DCLRE1A: variants seen among roughly 807,000 people sequenced by gnomAD.
DCLRE1A encodes the protein DNA cross-link repair 1A protein.
DCLRE1A carries 64 observed loss-of-function variants against 91.9 expected under a neutral mutation model. The observed-to-expected ratio is 0.70, with a 90% CI of 0.57 to 0.86. DCLRE1A has a LOEUF of 0.86. Ranked by LOEUF, DCLRE1A falls within the 40% of genes least tolerant of loss-of-function variation. The pLI, the probability that DCLRE1A is intolerant of heterozygous loss-of-function variation, is 0.00. For missense variants in DCLRE1A, 1,145 were observed against 1,213.3 expected, an observed-to-expected ratio of 0.94 and a Z score of 0.84; for synonymous variants, 416 against 431.1, an observed-to-expected ratio of 0.96 and a Z score of 0.43.
intron 5 of DCLRE1A, among the ~76,000 whole-genome samples, chr10:113,843,476 C>G (rs954128810): frequency 3.3e-5 from 5 of 152,212 alleles, no homozygotes; most frequent in South Asian, 2.1e-4. Flanking sequence ...ATATTGCATC[C>G]AAACGTACTT....
Position 113,847,222 on chromosome 10 carries a change from A to G in DCLRE1A, c.2239T>C (p.Phe747Leu), listed in dbSNP as rs1564843998. Residue 747 changes from phenylalanine to leucine, a missense_variant, in exon 3 of 9, where the codon TTT becomes CTT. By Grantham distance (22) the Phe-to-Leu change is conservative. Coordinates refer to ENST00000361384, the MANE Select transcript of DCLRE1A (RefSeq NM_014881.5). ...CTTACCTCACTACAATAAACTGGAA[A>G]TGTGAAGTGTTTAGACAATCCAGCA... ...HYAGLSKHFT[F>L]PVYCSEITGN... 2 of 1,609,414 alleles carry G rather than the reference A, an allele frequency of 1.2e-6. No individual in the cohort carries two copies. The highest frequency in any genetic ancestry group is 1.7e-5 in the Admixed American group (1 of 59,890).
At chr10:113,852,699 C>T in intron 1 of DCLRE1A, 24 bp downstream of exon 1, 2 of 1,588,404 alleles carry the variant, frequency 1.3e-6, no homozygotes, top group South Asian at 1.2e-5. Flanking sequence ...TATTTAGAAA[C>T]TACTACGTTT....
chr10:113,850,707 TAGC>T, intron 1 of DCLRE1A, 63 bp from the exon 2 acceptor site: 1 of 1,333,678 alleles, frequency 7.5e-7, no homozygotes, highest in Non-Finnish European at 1.0e-6. Context: ...TTGACAACAT[TAGC>T]AGTATAAATT....
At chr10:113,841,821 AG>A (rs1266436153) in intron 6 of DCLRE1A, among the ~76,000 whole-genome samples, 1 of 152,220 alleles carries the variant, frequency 6.6e-6, no homozygotes, top group East Asian at 1.9e-4. Context: ...AAGTGGGTAG[AG>A]GAAGGGAAGG....
chr10:113,839,990 C>T (rs1845420871), intron 7 of DCLRE1A, among the ~76,000 whole-genome samples: 1 of 152,060 alleles, frequency 6.6e-6, no homozygotes, highest in Admixed American at 6.5e-5. Context: ...ACTTGAATTC[C>T]TGTATTAAAA....
At chr10:113,848,515 A>C (rs1845579423) in intron 2 of DCLRE1A, among the ~76,000 whole-genome samples, 1 of 152,204 alleles carries the variant, frequency 6.6e-6, no homozygotes, top group Non-Finnish European at 1.5e-5. Context: ...AAGGGCAGAG[A>C]AACTAAGTTC....
At chr10:113,854,314 A>C (rs376033264), upstream of DCLRE1A, 2 of 152,372 alleles carry the variant, frequency 1.3e-5, no homozygotes, top group African/African-American at 4.8e-5. Flanking sequence ...CTTCCAGTTT[A>C]CAAAGCCTTC....
rs1431483913 is a variant in DCLRE1A at position 113,847,728 on chromosome 10, G to C, written c.2126-393C>G. Among the ~76,000 whole-genome samples the C allele has an allele frequency of 3.9e-5, 6 of 152,004 alleles. No homozygotes were observed. In the East Asian group the frequency reaches 1.2e-3, roughly 29 times the overall value. On this transcript the variant is annotated intron_variant, in intron 2 of 8. Transcript: ENST00000361384. ...ATGGGGGCAGTATTGATCTAAGGAA[G>C]CCAAAATGGTTGAGGGCCAACATAA...
Position 113,849,754 on chromosome 10 carries a change from A to G in DCLRE1A, c.1351T>C (p.Ser451Pro), listed in dbSNP as rs1845608932. ...NKQKQVIEESSVYNQVSLPLV... is the reference protein window; with the variant it reads ...NKQKQVIEESPVYNQVSLPLV... ...GGAAGAGAAACTTGATTGTAAACAG[A>G]TGATTCTTCAATTACCTGTTTCTGT... Residue 451 changes from serine (S) to proline (P), a missense_variant, in exon 2 of 9, where the codon TCT (serine) becomes CCT (proline). Transcript: ENST00000361384. 1 of 1,614,068 alleles carries G rather than the reference A, an allele frequency of 6.2e-7. No individual in the cohort carries two copies. Among genetic ancestry groups the G allele is most frequent in the African/African-American group, 1.3e-5 (1 of 74,920 alleles).
chr10:113,836,553 C>T (rs1440616341), intron 8 of DCLRE1A, among the ~76,000 whole-genome samples: 1 of 152,064 alleles, frequency 6.6e-6, no homozygotes, highest in Non-Finnish European at 1.5e-5. Context: ...TGAAAAGGGT[C>T]CTATTTTCAG....
rs566231940 is a variant in DCLRE1A, at chr10:113,849,159, C to A, written c.1946G>T (p.Cys649Phe). ...AATAAGGTGATCTGATCTCTTCTGACACGCTCCTTCCTGCAGTGAATTTGA... is the reference window on the plus strand; with the variant it reads ...AATAAGGTGATCTGATCTCTTCTGAAACGCTCCTTCCTGCAGTGAATTTGA... The part of the protein sequence containing the change: ...RKSNSLQEGA[C>F]QKRSDHLINT... The change falls in exon 2 of 9, where the codon TGT (cysteine) becomes TTT (phenylalanine). Residue 649 changes from cysteine (C) to phenylalanine (F), a missense_variant. Coordinates refer to ENST00000361384, the MANE Select transcript of DCLRE1A (RefSeq NM_014881.5). 2.6e-5 allele frequency: 42 copies of A among 1,614,106 alleles called. No homozygotes were observed. In the South Asian group the frequency reaches 4.3e-4, roughly 16 times the overall value.
At chr10:113,841,665 T>G in intron 6 of DCLRE1A, 105 bp from the exon 7 acceptor site, 3 of 1,168,240 alleles carry the variant, frequency 2.6e-6, no homozygotes, top group Non-Finnish European at 3.6e-6. Context: ...AAAAGGAAAT[T>G]CAAAACATTC....
intron 8 of DCLRE1A, among the ~76,000 whole-genome samples, chr10:113,835,735 G>A (rs1295433247): frequency 3.3e-5 from 5 of 152,112 alleles, no homozygotes; most frequent in Non-Finnish European, 5.9e-5. Context: ...AGGAGTTCGA[G>A]GCCAGCCTGG....
chr10:113,849,166 C>A lies in DCLRE1A; in HGVS notation c.1939G>T (p.Gly647Ter), dbSNP rs780518186. 1 of 1,614,064 alleles carries A rather than the reference C, an allele frequency of 6.2e-7. No individual in the cohort carries two copies. Among genetic ancestry groups the A allele is most frequent in the South Asian group, 1.1e-5 (1 of 91,078 alleles). The change falls in exon 2 of 9, where the codon GGA becomes TGA. Residue 647 changes from glycine (G) to a stop codon, truncating the protein, a stop_gained. Coordinates refer to ENST00000361384, the MANE Select transcript of DCLRE1A (RefSeq NM_014881.5). LOFTEE classifies it high-confidence loss of function. ...TGATCTGATCTCTTCTGACACGCTC[C>A]TTCCTGCAGTGAATTTGACTTTCTA... ...RCRKSNSLQE[G>*]ACQKRSDHLI...
intron 6 of DCLRE1A, 76 bp from the exon 7 acceptor site, chr10:113,841,636 AG>A (rs1370144119): frequency 7.6e-6 from 11 of 1,445,086 alleles, no homozygotes; most frequent in Non-Finnish European, 1.0e-5. Flanking sequence ...GCAAATTTTA[AG>A]GTAAGAATTT....
At chr10:113,844,971 T>C (rs1469598761) in intron 4 of DCLRE1A, among the ~76,000 whole-genome samples, 3 of 141,958 alleles carry the variant, frequency 2.1e-5, no homozygotes, top group Non-Finnish European at 4.6e-5. Context: ...AACTGGCAAT[T>C]AAAAAAAAAA....
intron 4 of DCLRE1A, 45 bp from the exon 5 acceptor site, chr10:113,844,289 C>T: frequency 1.2e-6 from 2 of 1,607,374 alleles, no homozygotes; most frequent in Non-Finnish European, 1.7e-6. Context: ...AGGCAAGCAC[C>T]TAAAGGAACA....
At chr10:113,842,597 T>C (rs1845463719) in intron 5 of DCLRE1A, 109 bp from the exon 6 acceptor site, 1 of 996,970 alleles carries the variant, frequency 1.0e-6, no homozygotes, top group Non-Finnish European at 1.4e-6. Context: ...ACAACAGCAA[T>C]GTAATATATT....
rs774984676 is a variant in DCLRE1A at position 113,849,855 on chromosome 10, T to C, written c.1250A>G (p.Lys417Arg). The C allele has an allele frequency of 6.2e-7, 1 of 1,614,048 alleles. No individual in the cohort carries two copies. Among genetic ancestry groups the C allele is most frequent in the Non-Finnish European group, 8.5e-7 (1 of 1,180,022 alleles). Residue 417 changes from lysine to arginine, a missense_variant, in exon 2 of 9, where the codon AAG (lysine) becomes AGG (arginine). Transcript: ENST00000361384. Reference sequence around the variant, plus strand: ...TGCCTGATGAACAGAAGCAGCAAGCTTCCCTGCCAATGCAGGTGGAAACAA... The same window carrying C: ...TGCCTGATGAACAGAAGCAGCAAGCCTCCCTGCCAATGCAGGTGGAAACAA... ...FVLFPPALAG[K>R]LAASVHQATK... is the part of the protein sequence containing the mutation.
Sources: allele counts gnomAD v4.1 joint callset (sites outside exome capture counted in the v4.1 genomes callset), GRCh38; gene constraint gnomAD v4.1.1; transcripts MANE v1.5; gene names NCBI Gene and HGNC (gene_info 2026-07-23, HGNC 2026-07-21).